CATSPERE: variants seen among roughly 807,000 people sequenced by gnomAD.
The protein encoded by CATSPERE is cation channel sperm-associated auxiliary subunit epsilon.
A neutral mutation model predicts 114.1 loss-of-function variants in CATSPERE; 93 were observed. That is an observed-to-expected ratio of 0.81 (90% CI 0.69 to 0.97). The LOEUF (loss-of-function observed/expected upper bound fraction) is 0.97. Among genes scored for constraint, CATSPERE ranks in the 50% least tolerant of loss-of-function variants. The probability of loss-of-function intolerance (pLI) is 0.00; values close to 1 mark genes in which losing one functional copy is unlikely to be tolerated. For missense variants in CATSPERE, 1,058 were observed against 1,131.6 expected (o/e 0.93, Z 0.93); for synonymous variants, 341 against 384.1 (o/e 0.89, Z 1.31).
chr1:244,545,974 C>A (rs1264933425), intron 8 of CATSPERE, among the ~76,000 whole-genome samples: 1 of 152,200 alleles, frequency 6.6e-6, no homozygotes, highest in Admixed American at 6.5e-5. Flanking sequence ...TTACAGATGG[C>A]TTTGCATGCT....
At chr1:244,553,634 C>CACAA (rs1558485127) in intron 9 of CATSPERE, among the ~76,000 whole-genome samples, 62 of 137,118 alleles carry the variant, frequency 4.5e-4, no homozygotes, top group African/African-American at 1.6e-3. Flanking sequence ...CACACACACA[C>CACAA]ACACACACAC....
chr1:244,490,373 T>C, intron 5 of CATSPERE, 74 bp from the exon 6 acceptor site: 1 of 985,590 alleles, frequency 1.0e-6, no homozygotes, highest in Non-Finnish European at 1.6e-6. Flanking sequence ...GAAACATGTA[T>C]CTTGAAAGTA....
At chr1:244,620,867 T>G (rs540304521) in intron 20 of CATSPERE, among the ~76,000 whole-genome samples, 50 of 150,396 alleles carry the variant, frequency 3.3e-4, no homozygotes, top group African/African-American at 1.1e-3. Flanking sequence ...CAAGGCAACA[T>G]GTAGGACAAA....
chr1:244,458,937 A>G (rs544918948), upstream of CATSPERE, among the ~76,000 whole-genome samples: 1 of 152,312 alleles, frequency 6.6e-6, no homozygotes, highest in Admixed American at 6.5e-5. Context: ...TTGTCCACAC[A>G]GAGTGTCTGT....
intron 5 of CATSPERE, among the ~76,000 whole-genome samples, chr1:244,482,452 A>C (rs1255347603): frequency 6.6e-6 from 1 of 151,924 alleles, no homozygotes; most frequent in East Asian, 1.9e-4. Flanking sequence ...AACGTTAAAA[A>C]GTTGTCAGGC....
Position 244,560,907 on chromosome 1 carries a change from A to G in CATSPERE, c.1269A>G (p.Ile423Met). Residue 423 changes from isoleucine (I) to methionine (M), a missense_variant, in exon 10 of 22, where the codon ATA becomes ATG. Physicochemically the swap from Ile to Met is conservative, Grantham distance 10. Around this residue, in one of 2 missense-constraint regions of CATSPERE, gnomAD observed 787 missense variants for 905.6 expected, o/e 0.87. Coordinates refer to ENST00000366534, the MANE Select transcript of CATSPERE (RefSeq NM_001130957.2). ...CNVTKKIFLV[I>M]YNEDTKQWVS... ...TCACCAAAAAGATTTTCTTAGTGAT[A>G]TATAATGAAGATACAAAACAGTGGG... is the stretch of plus-strand genomic sequence containing the variant. 1 of 1,614,086 alleles carries G rather than the reference A, an allele frequency of 6.2e-7. No individual in the cohort carries two copies. Among genetic ancestry groups the G allele is most frequent in the Non-Finnish European group, 8.5e-7 (1 of 1,179,938 alleles).
At chr1:244,621,111 TA>T (rs1672145281) in intron 20 of CATSPERE, among the ~76,000 whole-genome samples, 3 of 39,310 alleles carry the variant, frequency 7.6e-5, no homozygotes, top group Non-Finnish European at 1.5e-4. Flanking sequence ...TATAAATATA[TA>T]TATAATATAT....
At chr1:244,452,453 C>A (rs1665688739), upstream of CATSPERE, among the ~76,000 whole-genome samples, 1 of 152,092 alleles carries the variant, frequency 6.6e-6, no homozygotes, top group Non-Finnish European at 1.5e-5. Context: ...AATTAAAAGT[C>A]CGGAAGTAAC....
At chr1:244,452,769 G>A (rs1665728651), upstream of CATSPERE, among the ~76,000 whole-genome samples, 1 of 152,072 alleles carries the variant, frequency 6.6e-6, no homozygotes, top group East Asian at 1.9e-4. Flanking sequence ...TTGGTACTTC[G>A]ATAATCTAAG....
At chr1:244,519,994 C>T in intron 8 of CATSPERE, among the ~76,000 whole-genome samples, 1 of 151,586 alleles carries the variant, frequency 6.6e-6, no homozygotes, top group East Asian at 1.9e-4. Flanking sequence ...TACTTGTAAG[C>T]CACCATGACT....
upstream of CATSPERE, chr1:244,452,085 A>C (rs1023300774): frequency 1.6e-5 from 5 of 305,344 alleles, no homozygotes; most frequent in Admixed American, 1.0e-4. Flanking sequence ...AACGGCCGCC[A>C]CCCCGGACCG....
chr1:244,468,162 G>T (rs1667918285), intron 2 of CATSPERE, among the ~76,000 whole-genome samples: 1 of 150,232 alleles, frequency 6.7e-6, no homozygotes, highest in Non-Finnish European at 1.5e-5. Flanking sequence ...GCGCAATCTT[G>T]GCTCACTGCA....
At chr1:244,451,872 G>A (rs902163172), upstream of CATSPERE, 327 of 1,468,076 alleles carry the variant, frequency 2.2e-4, no homozygotes, top group Non-Finnish European at 2.8e-4. This position sits in a 1 kb window ranked among gnomAD's most constrained non-coding sequence, Gnocchi z 6.6. Flanking sequence ...AGGAGTGAGC[G>A]AACTGAACTG....
intron 19 of CATSPERE, among the ~76,000 whole-genome samples, chr1:244,613,549 G>T (rs1409219600): frequency 6.6e-6 from 1 of 152,078 alleles, no homozygotes; most frequent in Non-Finnish European, 1.5e-5. Context: ...AAAATGACCT[G>T]CTAAGAAGGG....
chr1:244,581,613 C>T (rs527347346), intron 11 of CATSPERE, among the ~76,000 whole-genome samples, 183 bp from the exon 12 acceptor site: 11 of 152,202 alleles, frequency 7.2e-5, no homozygotes, highest in East Asian at 5.8e-4. Flanking sequence ...TGCTTTATTA[C>T]GTATCTATGC....
intron 8 of CATSPERE, among the ~76,000 whole-genome samples, chr1:244,520,677 C>T (rs1677390719): frequency 6.6e-6 from 1 of 152,032 alleles, no homozygotes. Context: ...TACTGTGGAC[C>T]CAGGACCCCT....
At chr1:244,490,382 T>C in intron 5 of CATSPERE, 65 bp from the exon 6 acceptor site, 3 of 1,062,142 alleles carry the variant, frequency 2.8e-6, no homozygotes, top group South Asian at 2.7e-5. Context: ...ATCTTGAAAG[T>C]AGAATATTCG....
chr1:244,464,840 G>A (rs1008242618), intron 2 of CATSPERE, among the ~76,000 whole-genome samples: 1 of 150,982 alleles, frequency 6.6e-6, no homozygotes, highest in Non-Finnish European at 1.5e-5. Context: ...TTAATTTTCT[G>A]CCTTTTTCTT....
chr1:244,554,518 C>T lies in CATSPERE; in HGVS notation c.1029+1704C>T, dbSNP rs556173584. On this transcript the variant is annotated intron_variant, in intron 9 of 21. Transcript: ENST00000366534. ...CAGCCAGGGCAACATGGTGAGACCC[C>T]ATCTCTAAAAATAAAATAAAATTTA... Among the ~76,000 whole-genome samples the T allele has an allele frequency of 7.7e-4, 117 of 152,000 alleles. 1 individual carries two copies. Among genetic ancestry groups the T allele is most frequent in the African/African-American group, 2.7e-3 (113 of 41,446 alleles).
Sources: gnomAD v4.1 joint callset for allele counts (sites outside exome capture counted in the v4.1 genomes callset) on GRCh38, gnomAD v4.1.1 for gene constraint, gnomAD v4.1.1 regional missense constraint, Gnocchi (gnomAD v3.1) non-coding constraint, MANE v1.5 for transcripts, NCBI Gene and HGNC (gene_info 2026-07-23, HGNC 2026-07-21) for gene names.